Variants in WWOX observed in about 807,000 individuals in gnomAD.
WWOX encodes WW domain-containing oxidoreductase.
Under a neutral mutation model 46.2 loss-of-function variants are expected in WWOX, and 69 were observed. The observed-to-expected ratio is 1.49, with a 90% CI of 1.23 to 1.82. The LOEUF is 1.82. Among genes scored for constraint, WWOX ranks in the 40% most tolerant of loss-of-function variants. The pLI, the probability that WWOX is intolerant of heterozygous loss-of-function variation, is 0.00. For synonymous variants in WWOX, 359 were observed against 202.6 expected, an observed-to-expected ratio of 1.77 and a Z score of -6.56; for missense variants, 919 against 542.6, an observed-to-expected ratio of 1.69 and a Z score of -6.89.
At chr16:78,901,281 C>G (rs1305010148) in intron 8 of WWOX, among the ~76,000 whole-genome samples, 1 of 152,184 alleles carries the variant, frequency 6.6e-6, no homozygotes, top group Non-Finnish European at 1.5e-5. Context: ...CAAAAGATCA[C>G]AAAGTATGTG....
chr16:78,467,905 CA>C (rs199726885), intron 8 of WWOX, among the ~76,000 whole-genome samples: 5 of 151,904 alleles, frequency 3.3e-5, no homozygotes, highest in African/African-American at 4.8e-5. Flanking sequence ...TGATACTGAT[CA>C]GCCTGGCTTC....
chr16:79,050,882 C>T (rs2048153712), intron 8 of WWOX, among the ~76,000 whole-genome samples: 2 of 152,164 alleles, frequency 1.3e-5, no homozygotes, highest in African/African-American at 4.8e-5. Flanking sequence ...TGACAGTTAT[C>T]CTCTGCATTC....
chr16:78,575,310 C>T (rs1410305425), intron 8 of WWOX, among the ~76,000 whole-genome samples: 2 of 149,944 alleles, frequency 1.3e-5, no homozygotes, highest in African/African-American at 2.4e-5. Context: ...TTCAGATCTC[C>T]CTAATACTGT....
chr16:78,928,917 C>T (rs1329118015), intron 8 of WWOX, among the ~76,000 whole-genome samples: 1 of 152,180 alleles, frequency 6.6e-6, no homozygotes, highest in Non-Finnish European at 1.5e-5. Context: ...CTAACAATAA[C>T]AACAACCAGA....
At chr16:78,961,460 G>C (rs1455447338) in intron 8 of WWOX, among the ~76,000 whole-genome samples, 1 of 151,750 alleles carries the variant, frequency 6.6e-6, no homozygotes, top group Non-Finnish European at 1.5e-5. Flanking sequence ...TGGATGGGTG[G>C]ATGGATGGAT....
rs770291748 is a variant in WWOX, at chr16:78,963,826, G to C, written c.1057-247782G>C. On this transcript the variant is annotated intron_variant, in intron 8 of 8. Transcript: ENST00000566780. ...CCCCACCCAAATCTTAACTTGAATCGTATCTCCCAGAATTCCCACGTGTTG... is the reference window on the plus strand; with the variant it reads ...CCCCACCCAAATCTTAACTTGAATCCTATCTCCCAGAATTCCCACGTGTTG... 9.2e-5 allele frequency among the ~76,000 whole-genome samples: 14 copies of C among 152,224 alleles called. No homozygotes were observed. The South Asian group carries it at 2.3e-3, about 25-fold the overall frequency.
At position 78,574,449 on chromosome 16, in the gene WWOX, T is replaced by A. The variant is rs745867047; in HGVS notation, c.1056+141697T>A. ...CCTCTTTGCTGCCAAATAATGTCTC[T>A]GAAGACTGTAAGACCTGAATCCTAT... On this transcript the variant is annotated intron_variant, in intron 8 of 8. Transcript: ENST00000566780. Among the ~76,000 whole-genome samples, 82 of 152,072 alleles carry A rather than the reference T, an allele frequency of 5.4e-4. 1 individual carries two copies. The highest frequency in any genetic ancestry group is 7.2e-4 in the Non-Finnish European group (49 of 68,022).
At chr16:79,197,733 C>T (rs530981532) in intron 8 of WWOX, among the ~76,000 whole-genome samples, 8 of 152,192 alleles carry the variant, frequency 5.3e-5, no homozygotes, top group East Asian at 1.9e-4. Flanking sequence ...ATGTTTGCTA[C>T]GGATTGTGGT....
intron 8 of WWOX, among the ~76,000 whole-genome samples, chr16:78,865,590 G>A (rs1406184415): frequency 6.6e-6 from 1 of 152,088 alleles, no homozygotes; most frequent in Non-Finnish European, 1.5e-5. Context: ...GGAATTGTGT[G>A]TGGCCGGCCA....
chr16:79,062,986 A>C (rs1345335700), intron 8 of WWOX, among the ~76,000 whole-genome samples: 2 of 152,198 alleles, frequency 1.3e-5, no homozygotes, highest in Non-Finnish European at 2.9e-5. Context: ...ACAGATGCCG[A>C]GGATATTTTT....
chr16:78,393,827 A>G (rs543663716), intron 6 of WWOX, among the ~76,000 whole-genome samples: 26 of 152,140 alleles, frequency 1.7e-4, no homozygotes, highest in Non-Finnish European at 3.5e-4. Flanking sequence ...AGAAGATAAT[A>G]TAGAACAGTG....
At chr16:78,518,635 C>T (rs1255498251) in intron 8 of WWOX, among the ~76,000 whole-genome samples, 1 of 152,182 alleles carries the variant, frequency 6.6e-6, no homozygotes, top group African/African-American at 2.4e-5. Context: ...TACTGGGCAT[C>T]TAGATTTCAT....
At chr16:78,998,443 A>C (rs1004944271) in intron 8 of WWOX, among the ~76,000 whole-genome samples, 2 of 152,180 alleles carry the variant, frequency 1.3e-5, no homozygotes, top group Non-Finnish European at 2.9e-5. Context: ...AACTTGGAAG[A>C]CAGTCAGTTT....
chr16:78,734,841 CTTTTTTTT>C (rs60560119), intron 8 of WWOX, among the ~76,000 whole-genome samples: 1 of 40,122 alleles, frequency 2.5e-5, no homozygotes, highest in Non-Finnish European at 4.7e-5. Flanking sequence ...GACTTCAGTC[CTTTTTTTT>C]TTTTTTTTTT....
chr16:78,489,537 T>C (rs1325163308), intron 8 of WWOX, among the ~76,000 whole-genome samples: 2 of 152,182 alleles, frequency 1.3e-5, no homozygotes, highest in African/African-American at 4.8e-5. Flanking sequence ...TTAGCAGCTT[T>C]CAAATATGTA....
intron 8 of WWOX, among the ~76,000 whole-genome samples, chr16:78,472,299 TCA>T (rs1238062814): frequency 6.6e-6 from 1 of 152,184 alleles, no homozygotes; most frequent in East Asian, 1.9e-4. Context: ...GCCTCTTATC[TCA>T]TAAGCCAAAT....
intron 8 of WWOX, chr16:78,873,590 T>C (rs72804703): frequency 0.2 from 29,991 of 151,882 alleles, 3,092 homozygotes; most frequent in South Asian, 0.29. Context: ...AGTTGGAGGC[T>C]AGCCTGGGGA....
intron 8 of WWOX, among the ~76,000 whole-genome samples, chr16:78,537,198 T>A (rs1227665336): frequency 6.6e-6 from 1 of 152,064 alleles, no homozygotes; most frequent in Non-Finnish European, 1.5e-5. Flanking sequence ...ATTACAGGGG[T>A]GACCCACCAC....
At chr16:78,490,642 T>G (rs1194927026) in intron 8 of WWOX, among the ~76,000 whole-genome samples, 1 of 152,162 alleles carries the variant, frequency 6.6e-6, no homozygotes, top group Admixed American at 6.5e-5. Context: ...TGCTCAGATG[T>G]CCTCTTTGAC....
Sources: allele counts gnomAD v4.1 joint callset (sites outside exome capture counted in the v4.1 genomes callset), GRCh38; gene constraint gnomAD v4.1.1; transcripts MANE v1.5; gene names NCBI Gene and HGNC (gene_info 2026-07-23, HGNC 2026-07-21).